Variants in THSD7B observed in about 807,000 individuals in gnomAD.
THSD7B encodes the protein thrombospondin type-1 domain-containing protein 7B.
A neutral mutation model predicts 213.6 loss-of-function variants in THSD7B; 138 were observed. That is an observed-to-expected ratio of 0.65 (90% CI 0.56 to 0.74). THSD7B has a LOEUF of 0.74. Among genes scored for constraint, THSD7B ranks in the 30% least tolerant of loss-of-function variants. The pLI is 0.00. For missense variants in THSD7B, 1,931 were observed against 1,991.5 expected (o/e 0.97, Z 0.58); for synonymous variants, 742 against 687.0 (o/e 1.08, Z -1.25).
intron 1 of THSD7B, among the ~76,000 whole-genome samples, chr2:136,803,164 C>T (rs377648391): frequency 3.9e-5 from 6 of 152,044 alleles, no homozygotes; most frequent in Non-Finnish European, 8.8e-5. Context: ...CACACACACA[C>T]ACATGCACAT....
chr2:136,854,429 A>C (rs1019965883), intron 1 of THSD7B, among the ~76,000 whole-genome samples: 2 of 151,846 alleles, frequency 1.3e-5, no homozygotes, highest in African/African-American at 4.8e-5. Flanking sequence ...TTGCTTCATA[A>C]GTGGGCACAT....
chr2:137,347,359 CAGT>C (rs1436239583), intron 12 of THSD7B, among the ~76,000 whole-genome samples: 2 of 151,558 alleles, frequency 1.3e-5, no homozygotes, highest in African/African-American at 4.8e-5. Flanking sequence ...AGTGAGAAGT[CAGT>C]AGTGTTCCAT....
intron 2 of THSD7B, among the ~76,000 whole-genome samples, chr2:136,914,917 A>G (rs1472568738): frequency 6.6e-6 from 1 of 152,202 alleles, no homozygotes; most frequent in African/African-American, 2.4e-5. Flanking sequence ...ATTTTGAGCT[A>G]TATTACCAGA....
intron 15 of THSD7B, among the ~76,000 whole-genome samples, chr2:137,555,150 C>T (rs748217617): frequency 8.5e-5 from 13 of 152,218 alleles, no homozygotes; most frequent in Non-Finnish European, 1.8e-4. Flanking sequence ...CAACAGAAAC[C>T]TCTGCAGACT....
At chr2:136,943,520 T>C (rs1481585323) in intron 2 of THSD7B, among the ~76,000 whole-genome samples, 2 of 152,200 alleles carry the variant, frequency 1.3e-5, no homozygotes, top group Admixed American at 6.5e-5. Context: ...CTGGACTTTT[T>C]TTGGTTGGTA....
rs541383274 is a variant in THSD7B, at chr2:136,988,042, A to G, written c.140-68378A>G. Among the ~76,000 whole-genome samples the G allele has an allele frequency of 1.2e-3, 182 of 152,312 alleles. 2 individuals are homozygous for G. Among genetic ancestry groups the G allele is most frequent in the African/African-American group, 3.8e-3 (157 of 41,568 alleles). ...ATATGCATTCCATAAAATTCACCCA[A>G]TTTAATAATATTTAGTAAATGCACT... On this transcript the variant is annotated intron_variant, in intron 2 of 27. Transcript: ENST00000409968.
intron 15 of THSD7B, among the ~76,000 whole-genome samples, chr2:137,458,396 G>A (rs1003407348): frequency 6.6e-6 from 1 of 152,122 alleles, no homozygotes; most frequent in African/African-American, 2.4e-5. Flanking sequence ...GGTAGCCATT[G>A]CTTTGATTGT....
At chr2:137,303,035 CT>C (rs1273112296) in intron 12 of THSD7B, among the ~76,000 whole-genome samples, 2 of 152,092 alleles carry the variant, frequency 1.3e-5, no homozygotes, top group African/African-American at 2.4e-5. Flanking sequence ...GGTCTTCTTA[CT>C]CTGTCACCCA....
intron 1 of THSD7B, among the ~76,000 whole-genome samples, chr2:136,809,600 T>C (rs546548454): frequency 1.3e-5 from 2 of 152,318 alleles, no homozygotes; most frequent in South Asian, 2.1e-4. Flanking sequence ...TGCTGGTCCA[T>C]GGATCACAGA....
At chr2:137,495,276 A>G in intron 15 of THSD7B, among the ~76,000 whole-genome samples, 2 of 152,306 alleles carry the variant, frequency 1.3e-5, no homozygotes, top group East Asian at 1.9e-4. Context: ...TAGCCTGACA[A>G]TAAGGCAATA....
At chr2:137,544,915 A>AT (rs992598659) in intron 15 of THSD7B, among the ~76,000 whole-genome samples, 2 of 151,760 alleles carry the variant, frequency 1.3e-5, no homozygotes, top group Admixed American at 1.3e-4. Context: ...TAGCAGTGGT[A>AT]TTTTTGGAAT....
chr2:136,862,586 T>C (rs899621429), intron 1 of THSD7B, among the ~76,000 whole-genome samples: 23 of 152,156 alleles, frequency 1.5e-4, no homozygotes, highest in African/African-American at 5.1e-4. Flanking sequence ...TGTAAATGAT[T>C]ATTGTACAAC....
intron 15 of THSD7B, among the ~76,000 whole-genome samples, chr2:137,523,360 A>G (rs959949012): frequency 6.6e-6 from 1 of 152,162 alleles, no homozygotes; most frequent in African/African-American, 2.4e-5. Flanking sequence ...GTCTGCAATC[A>G]TGCATTTGTT....
At chr2:137,561,159 A>T (rs1681109659) in intron 15 of THSD7B, among the ~76,000 whole-genome samples, 1 of 152,210 alleles carries the variant, frequency 6.6e-6, no homozygotes, top group South Asian at 2.1e-4. Context: ...ATAGCTTGAC[A>T]TTGCAGATAG....
chr2:137,496,485 A>T (rs1375361), intron 15 of THSD7B, among the ~76,000 whole-genome samples: 1 of 151,998 alleles, frequency 6.6e-6, no homozygotes, highest in Admixed American at 6.6e-5. Context: ...TTTTGTGTGC[A>T]TTTTTTTAGA....
At chr2:137,269,575 C>T (rs1208510365) in intron 10 of THSD7B, among the ~76,000 whole-genome samples, 2 of 152,186 alleles carry the variant, frequency 1.3e-5, no homozygotes, top group Non-Finnish European at 2.9e-5. Flanking sequence ...AACACACATA[C>T]ACACAAACCC....
At chr2:137,019,960 G>A (rs1297935761) in intron 2 of THSD7B, among the ~76,000 whole-genome samples, 1 of 152,128 alleles carries the variant, frequency 6.6e-6, no homozygotes, top group African/African-American at 2.4e-5. Flanking sequence ...CTGTTTACTT[G>A]TCTGTAAATA....
chr2:137,155,645 A>G (rs1324287310), intron 5 of THSD7B, among the ~76,000 whole-genome samples: 1 of 152,206 alleles, frequency 6.6e-6, no homozygotes. Flanking sequence ...CAAATTTTTA[A>G]AAAGTATGAT....
chr2:137,201,413 A>C (rs1475208335), intron 7 of THSD7B, among the ~76,000 whole-genome samples: 2 of 152,048 alleles, frequency 1.3e-5, no homozygotes, highest in Non-Finnish European at 2.9e-5. Context: ...TGACATGTTG[A>C]TTTCAGTTCC....
Sources: gnomAD v4.1 joint callset for allele counts (sites outside exome capture counted in the v4.1 genomes callset) on GRCh38, gnomAD v4.1.1 for gene constraint, MANE v1.5 for transcripts, NCBI Gene and HGNC (gene_info 2026-07-23, HGNC 2026-07-21) for gene names.